The following CATSPERE variants were observed in gnomAD, a reference collection of about 807,000 sequenced individuals.
CATSPERE encodes cation channel sperm-associated auxiliary subunit epsilon.
Under a neutral mutation model 114.1 loss-of-function variants are expected in CATSPERE, and 93 were observed. That is an observed-to-expected ratio of 0.81 (90% CI 0.69 to 0.97). CATSPERE has a LOEUF of 0.97. CATSPERE is among the 50% of genes least tolerant of loss of function. The probability of loss-of-function intolerance (pLI) is 0.00; values close to 1 mark genes in which losing one functional copy is unlikely to be tolerated. For synonymous variants in CATSPERE, 341 were observed against 384.1 expected (o/e 0.89, Z 1.31); for missense variants, 1,058 against 1,131.6 (o/e 0.93, Z 0.93).
chr1:244,455,262 C>A (rs572163064), intron 1 of CATSPERE, among the ~76,000 whole-genome samples: 1 of 152,076 alleles, frequency 6.6e-6, no homozygotes, highest in Non-Finnish European at 1.5e-5. Context: ...CGCGTCCCCC[C>A]GCTCCCATGA....
At chr1:244,601,876 C>T (rs1259311501) in intron 17 of CATSPERE, among the ~76,000 whole-genome samples, 1 of 152,122 alleles carries the variant, frequency 6.6e-6, no homozygotes, top group Non-Finnish European at 1.5e-5. Context: ...ATCGCTTGAA[C>T]CCAAGAGGCA....
intron 6 of CATSPERE, 39 bp downstream of exon 6, chr1:244,490,510 C>G (rs1306711289): frequency 1.7e-6 from 2 of 1,160,416 alleles, no homozygotes; most frequent in Non-Finnish European, 1.3e-6. Flanking sequence ...CTTCATATAT[C>G]ACTAGTATAT....
At chr1:244,591,879 A>G in intron 15 of CATSPERE, 148 bp downstream of exon 15, 3 of 544,052 alleles carry the variant, frequency 5.5e-6, no homozygotes, top group South Asian at 4.7e-5. Flanking sequence ...CAAAATGTGT[A>G]GATGGTATAA....
chr1:244,540,263 T>C (rs370456486), intron 8 of CATSPERE, among the ~76,000 whole-genome samples: 17,888 of 145,900 alleles, frequency 0.12, 1,830 homozygotes, highest in African/African-American at 0.28. Context: ...AAAACCCCAT[T>C]GTCTCAGCCC....
At chr1:244,612,273 A>C (rs568591244) in intron 19 of CATSPERE, among the ~76,000 whole-genome samples, 4 of 152,196 alleles carry the variant, frequency 2.6e-5, no homozygotes, top group Non-Finnish European at 5.9e-5. Flanking sequence ...TTAACTCAAC[A>C]GGGCAATCAG....
At chr1:244,578,830 A>ATATAT (rs1558531081) in intron 11 of CATSPERE, among the ~76,000 whole-genome samples, 2 of 146,088 alleles carry the variant, frequency 1.4e-5, no homozygotes, top group Admixed American at 6.9e-5. Context: ...ATACATATAT[A>ATATAT]TATATATATA....
upstream of CATSPERE, among the ~76,000 whole-genome samples, chr1:244,457,846 T>C (rs1273803896): frequency 6.6e-6 from 1 of 152,194 alleles, no homozygotes; most frequent in Non-Finnish European, 1.5e-5. Context: ...AAATATAAAA[T>C]GGTGTTCAGC....
chr1:244,612,138 T>C (rs61467404), intron 19 of CATSPERE, among the ~76,000 whole-genome samples: 27,594 of 152,152 alleles, frequency 0.18, 2,622 homozygotes, highest in African/African-American at 0.21. Flanking sequence ...GCTTAAAGCT[T>C]ACCACTGAAA....
chr1:244,496,591 C>T (rs1452494663), intron 6 of CATSPERE, among the ~76,000 whole-genome samples: 1 of 152,198 alleles, frequency 6.6e-6, no homozygotes, highest in African/African-American at 2.4e-5. Flanking sequence ...TATGACAAAA[C>T]TTCAGAACTC....
In CATSPERE at chr1:244,572,512, C is replaced by T. The variant is rs1572819543; in HGVS notation, c.1690C>T (p.Gln564Ter). 2 of 1,614,076 alleles carry T rather than the reference C, an allele frequency of 1.2e-6. No homozygotes were observed. Among genetic ancestry groups the T allele is most frequent in the Non-Finnish European group, 1.7e-6 (2 of 1,179,954 alleles). Residue 564 changes from glutamine (Q) to a stop codon, truncating the protein, a stop_gained, in exon 11 of 22, where the codon CAG becomes TAG. Coordinates refer to ENST00000366534, the MANE Select transcript of CATSPERE (RefSeq NM_001130957.2). LOFTEE classifies it high-confidence loss of function. ...TTTGGATGATGGCACAATACAAATA[C>T]AGGACTATCCCTTACATCTGGAAGC... ...YALDDGTIQI[Q>*]DYPLHLEAQS...
At position 244,640,476 on chromosome 1, in the gene CATSPERE, A is replaced by T. The variant is rs567603643; in HGVS notation, c.*395A>T. 24 of 154,000 alleles carry T rather than the reference A, an allele frequency of 1.6e-4. No homozygotes were observed. Among genetic ancestry groups the T allele is most frequent in the Non-Finnish European group, 2.9e-5 (2 of 69,896 alleles). The allele number at this position is 154,000 out of a possible 1,614,324, so 9.5% of individuals were successfully genotyped here. On this transcript the variant is annotated 3_prime_UTR_variant, in exon 22 of 22. Coordinates refer to ENST00000366534, the MANE Select transcript of CATSPERE (RefSeq NM_001130957.2). ...ACTGTAGTTAATTTATATATAAAGG[A>T]TTTAATAAAGGTGTGTGGATTTAAA...
At chr1:244,510,704 G>T (rs1370575055) in intron 7 of CATSPERE, among the ~76,000 whole-genome samples, 1 of 151,700 alleles carries the variant, frequency 6.6e-6, no homozygotes, top group Non-Finnish European at 1.5e-5. Context: ...TGAGAGTGGG[G>T]TGTTGAACTC....
chr1:244,484,991 G>A (rs1341288559), intron 5 of CATSPERE, among the ~76,000 whole-genome samples: 1 of 151,728 alleles, frequency 6.6e-6, no homozygotes, highest in African/African-American at 2.4e-5. Flanking sequence ...CAGTTGGTAA[G>A]TCGGCTGTCT....
rs577891404 is a variant in CATSPERE, at chr1:244,561,423, GGGTGTAGGAGGTGCTGT to G, written c.1507+282_1507+298del. The stretch of plus-strand genomic sequence containing the variant: ...CTAAGCAATTTATATATACATCGTA[GGGTGTAGGAGGTGCTGT>G]GGTATTGTGTTACGTTTCCTGGGGC... On this transcript the variant is annotated intron_variant, in intron 10 of 21. Coordinates refer to ENST00000366534, the MANE Select transcript of CATSPERE (RefSeq NM_001130957.2). Among the ~76,000 whole-genome samples the G allele has an allele frequency of 1.0e-3, 155 of 152,296 alleles. 1 individual carries two copies. The highest frequency in any genetic ancestry group is 6.8e-3 in the Middle Eastern group (2 of 294).
chr1:244,510,835 CTTTTTTT>C (rs747921082), intron 7 of CATSPERE, among the ~76,000 whole-genome samples: 36 of 48,320 alleles, frequency 7.5e-4, no homozygotes, highest in South Asian at 3.3e-3. Flanking sequence ...TTTTCTTTTT[CTTTTTTT>C]TTTTTTTTTT....
intron 8 of CATSPERE, among the ~76,000 whole-genome samples, chr1:244,525,402 G>A (rs1248238314): frequency 1.3e-5 from 2 of 151,764 alleles, no homozygotes; most frequent in Non-Finnish European, 2.9e-5. Context: ...TGATGAGTTA[G>A]TGGGTACAGC....
intron 6 of CATSPERE, among the ~76,000 whole-genome samples, chr1:244,494,615 T>C: frequency 6.7e-6 from 1 of 150,118 alleles, no homozygotes; most frequent in Admixed American, 6.6e-5. Context: ...AAAAAAAAAG[T>C]ATGAAGGGGG....
upstream of CATSPERE, among the ~76,000 whole-genome samples, chr1:244,453,874 C>T (rs1250668532): frequency 6.6e-6 from 1 of 152,100 alleles, no homozygotes; most frequent in African/African-American, 2.4e-5. Context: ...GGTGTCTGTT[C>T]GGCTCCTGGG....
chr1:244,472,306 C>G (rs1668612318), intron 2 of CATSPERE, among the ~76,000 whole-genome samples: 1 of 152,176 alleles, frequency 6.6e-6, no homozygotes, highest in Non-Finnish European at 1.5e-5. Flanking sequence ...TTCCCATGAG[C>G]AGCAGAGGAG....
Sources: gnomAD v4.1 joint callset for allele counts (sites outside exome capture counted in the v4.1 genomes callset) on GRCh38, gnomAD v4.1.1 for gene constraint, MANE v1.5 for transcripts, NCBI Gene and HGNC (gene_info 2026-07-23, HGNC 2026-07-21) for gene names.